SFMBT2: variants seen among roughly 807,000 people sequenced by gnomAD.
SFMBT2 encodes the protein scm-like with four MBT domains protein 2.
A neutral mutation model predicts 110.1 loss-of-function variants in SFMBT2; 38 were observed. The observed-to-expected ratio is 0.35, with a 90% CI of 0.27 to 0.45. SFMBT2 has a LOEUF of 0.45. SFMBT2 is among the 20% of genes least tolerant of loss of function. The probability of loss-of-function intolerance (pLI) is 1.00; values close to 1 mark genes in which losing one functional copy is unlikely to be tolerated. For synonymous variants in SFMBT2, 425 were observed against 425.4 expected (o/e 1.00, Z 0.01); for missense variants, 1,011 against 1,094.9 (o/e 0.92, Z 1.08).
At chr10:7,245,845 T>G (rs902762046) in intron 8 of SFMBT2, among the ~76,000 whole-genome samples, 49 of 152,252 alleles carry the variant, frequency 3.2e-4, no homozygotes, top group African/African-American at 1.2e-3. Flanking sequence ...CGTTTACATA[T>G]TTCTTCAACA....
At chr10:7,262,145 T>C (rs117391065) in intron 7 of SFMBT2, among the ~76,000 whole-genome samples, 9,601 of 152,258 alleles carry the variant, frequency 0.063, 406 homozygotes, top group Admixed American at 0.089. Flanking sequence ...TTACATCAGG[T>C]TTCTCCCTGG....
At chr10:7,194,524 C>T (rs1044678701) in intron 15 of SFMBT2, among the ~76,000 whole-genome samples, 1 of 152,146 alleles carries the variant, frequency 6.6e-6, no homozygotes, top group African/African-American at 2.4e-5. Flanking sequence ...ATAAAGTGTT[C>T]AAGTTCCTAA....
intron 16 of SFMBT2, among the ~76,000 whole-genome samples, chr10:7,179,096 T>C (rs1229370692): frequency 1.3e-5 from 2 of 152,172 alleles, no homozygotes; most frequent in Non-Finnish European, 2.9e-5. Flanking sequence ...TTTATCTGCA[T>C]ACTCTACTAA....
chr10:7,254,179 T>A (rs1460677352), intron 7 of SFMBT2, among the ~76,000 whole-genome samples: 2 of 152,198 alleles, frequency 1.3e-5, no homozygotes, highest in Non-Finnish European at 2.9e-5. Flanking sequence ...CATAAATATT[T>A]ATCGAATTAA....
chr10:7,379,285 T>A (rs1845359312), intron 2 of SFMBT2, among the ~76,000 whole-genome samples: 1 of 152,176 alleles, frequency 6.6e-6, no homozygotes, highest in Non-Finnish European at 1.5e-5. Context: ...GCCCCAAACC[T>A]GTCCCAGCTG....
intron 4 of SFMBT2, among the ~76,000 whole-genome samples, chr10:7,330,662 CCTCT>C (rs1169213738): frequency 6.6e-6 from 1 of 152,118 alleles, no homozygotes; most frequent in African/African-American, 2.4e-5. Context: ...TCTCTTTCTT[CCTCT>C]CTCTCTGCTC....
intron 2 of SFMBT2, chr10:7,370,772 G>C (rs561796719): frequency 1.1e-6 from 1 of 947,460 alleles, no homozygotes; most frequent in African/African-American, 1.8e-5. Flanking sequence ...CTGTGATGTA[G>C]GCTGTGATGT....
chr10:7,185,588 T>G (rs1327931744), intron 16 of SFMBT2, among the ~76,000 whole-genome samples: 1 of 152,200 alleles, frequency 6.6e-6, no homozygotes, highest in Non-Finnish European at 1.5e-5. Flanking sequence ...TTCCCTCTGA[T>G]AAGTGACAGT....
At chr10:7,272,328 TGAA>T (rs1267467454) in intron 7 of SFMBT2, among the ~76,000 whole-genome samples, 4 of 152,088 alleles carry the variant, frequency 2.6e-5, no homozygotes, top group African/African-American at 7.2e-5. Flanking sequence ...AAAAAGCTGA[TGAA>T]GAAGAAGTGA....
chr10:7,396,919 G>T (rs1845941803), intron 1 of SFMBT2, among the ~76,000 whole-genome samples: 1 of 133,002 alleles, frequency 7.5e-6, no homozygotes, highest in African/African-American at 2.8e-5. Flanking sequence ...ATGGGGGGAG[G>T]GGGGAGGGAT....
chr10:7,300,765 T>C (rs1461712492), intron 4 of SFMBT2, among the ~76,000 whole-genome samples: 1 of 152,256 alleles, frequency 6.6e-6, no homozygotes, highest in East Asian at 1.9e-4. Context: ...CACAAATGTA[T>C]TTTTAAGAAT....
chr10:7,220,365 A>C, intron 11 of SFMBT2, 46 bp downstream of exon 11: 1 of 1,582,638 alleles, frequency 6.3e-7, no homozygotes, highest in Non-Finnish European at 8.6e-7. Flanking sequence ...CATTTCGACA[A>C]ACTCTACATT....
At position 7,322,152 on chromosome 10, in the gene SFMBT2, G is replaced by C. The variant is rs374320193; in HGVS notation, c.437-36198C>G. ...GGGGGGAATTGAATCATGGGGGTGG[G>C]TTTTTCCTATTCTGTTCTACTGATG... On this transcript the variant is annotated intron_variant, in intron 4 of 20. Transcript: ENST00000397167. Among the ~76,000 whole-genome samples the C allele has an allele frequency of 1.3e-4, 20 of 152,254 alleles. No individual in the cohort carries two copies. The East Asian group carries it at 1.9e-3, about 15-fold the overall frequency.
chr10:7,257,427 G>A (rs548654725), intron 7 of SFMBT2, among the ~76,000 whole-genome samples: 8 of 152,272 alleles, frequency 5.3e-5, no homozygotes, highest in East Asian at 3.9e-4. Context: ...GTGAACCATC[G>A]CTGCGGGAGA....
At chr10:7,244,901 T>C (rs1378856020) in intron 8 of SFMBT2, among the ~76,000 whole-genome samples, 2 of 152,184 alleles carry the variant, frequency 1.3e-5, no homozygotes, top group East Asian at 1.9e-4. Context: ...AGATGGGGCC[T>C]TCCCAGTGAG....
intron 16 of SFMBT2, chr10:7,176,690 G>T: frequency 5.9e-6 from 1 of 168,542 alleles, no homozygotes; most frequent in Non-Finnish European, 1.2e-5. Flanking sequence ...CATCTGTGCA[G>T]AATGGTGATA....
chr10:7,386,490 C>T (rs1020015121), intron 1 of SFMBT2, among the ~76,000 whole-genome samples: 5 of 152,076 alleles, frequency 3.3e-5, no homozygotes, highest in African/African-American at 1.2e-4. Flanking sequence ...TGCCTGTAAT[C>T]CCAGCTATTT....
chr10:7,337,657 G>A (rs1395643693), intron 4 of SFMBT2, among the ~76,000 whole-genome samples: 3 of 152,056 alleles, frequency 2.0e-5, no homozygotes, highest in Non-Finnish European at 2.9e-5. Context: ...CTGTGGAATC[G>A]TGAGCCAATT....
Position 7,367,616 on chromosome 10 carries a change from T to C in SFMBT2, c.436+33A>G. On this transcript the variant is annotated intron_variant, in intron 4 of 20. Coordinates refer to ENST00000397167, the MANE Select transcript of SFMBT2 (RefSeq NM_001387889.1). This position sits in a 1 kb window ranked among gnomAD's most constrained non-coding sequence, Gnocchi z 6.2. ...TACAGGCGTCATGAAGGATGGCGGCTCGTAAATCGAAGCCTTTGAAACAGG... is the reference window on the plus strand; with the variant it reads ...TACAGGCGTCATGAAGGATGGCGGCCCGTAAATCGAAGCCTTTGAAACAGG... The C allele has an allele frequency of 6.3e-7, 1 of 1,593,538 alleles. No individual in the cohort carries two copies. The highest frequency in any genetic ancestry group is 8.6e-7 in the Non-Finnish European group (1 of 1,168,458).
Sources: gnomAD v4.1 joint callset for allele counts (sites outside exome capture counted in the v4.1 genomes callset) on GRCh38, gnomAD v4.1.1 for gene constraint, Gnocchi (gnomAD v3.1) non-coding constraint, MANE v1.5 for transcripts, NCBI Gene and HGNC (gene_info 2026-07-23, HGNC 2026-07-21) for gene names.